The following CLMN variants were observed in gnomAD, a reference collection of about 807,000 sequenced individuals.
CLMN encodes calmin (calponin-like, transmembrane).
A neutral mutation model predicts 92.7 loss-of-function variants in CLMN; 57 were observed. The ratio of observed to expected loss-of-function variants is 0.61; its 90% CI spans 0.50 to 0.77. CLMN has a LOEUF of 0.77. Among genes scored for constraint, CLMN ranks in the 30% least tolerant of loss-of-function variants. CLMN has a pLI of 0.00. For synonymous variants in CLMN, 466 were observed against 470.6 expected, an observed-to-expected ratio of 0.99 and a Z score of 0.13; for missense variants, 1,158 against 1,237.5, an observed-to-expected ratio of 0.94 and a Z score of 0.96.
At chr14:95,248,455 A>T (rs1487560132) in intron 1 of CLMN, among the ~76,000 whole-genome samples, 2 of 152,314 alleles carry the variant, frequency 1.3e-5, no homozygotes, top group South Asian at 4.1e-4. Flanking sequence ...GCGAGGTTTG[A>T]ACCCCAGGCC....
In CLMN at chr14:95,191,697, C is replaced by T; in HGVS notation, c.2876G>A (p.Gly959Glu). The change falls in exon 13 of 13, where the codon GGG becomes GAG. Residue 959 changes from glycine to glutamate, a missense_variant. By Grantham distance (98) the Gly-to-Glu change is moderately conservative (BLOSUM62 -2). Transcript: ENST00000298912. The surrounding 1 kb of genome is among the most constrained non-coding windows in gnomAD (Gnocchi z 5.3). ...GGAGTCACTCTGCGGGCTGTGGCTCCCCAGTGACATGGCTTCTCCTGAGCT... is the reference window on the plus strand; with the variant it reads ...GGAGTCACTCTGCGGGCTGTGGCTCTCCAGTGACATGGCTTCTCCTGAGCT... Reference protein sequence around the residue: ...ANSSGEAMSLGSHSPQSDSLT... With the variant: ...ANSSGEAMSLESHSPQSDSLT... 1.2e-6 allele frequency: 2 copies of T among 1,612,312 alleles called. No homozygotes were observed. Among genetic ancestry groups the T allele is most frequent in the Admixed American group, 3.3e-5 (2 of 59,912 alleles).
intron 1 of CLMN, among the ~76,000 whole-genome samples, chr14:95,278,188 G>C (rs1296408314): frequency 6.6e-6 from 1 of 152,124 alleles, no homozygotes; most frequent in Admixed American, 6.5e-5. Context: ...AAGGAATATT[G>C]GTTTCACCTG....
At chr14:95,289,046 C>G (rs148416725) in intron 1 of CLMN, among the ~76,000 whole-genome samples, 1 of 152,328 alleles carries the variant, frequency 6.6e-6, no homozygotes, top group Non-Finnish European at 1.5e-5. Context: ...AGGTAGGTAT[C>G]ACTGGGAGGG....
chr14:95,212,365 T>C (rs1897223326), intron 6 of CLMN, among the ~76,000 whole-genome samples: 1 of 152,214 alleles, frequency 6.6e-6, no homozygotes, highest in Non-Finnish European at 1.5e-5. Flanking sequence ...TTGGTTTGGT[T>C]TCCACCACAC....
rs537078088 is a variant in CLMN, at chr14:95,257,993, T to C, written c.83-27860A>G. Among the ~76,000 whole-genome samples the C allele has an allele frequency of 2.7e-4, 41 of 151,896 alleles. No individual in the cohort carries two copies. In the East Asian group the frequency reaches 6.2e-3, roughly 23 times the overall value. On this transcript the variant is annotated intron_variant, in intron 1 of 12. Transcript: ENST00000298912. ...AGAGTCAGCTATGGTGTGTGTGAAG[T>C]GTGTGGTGTGTGTACATGTGGGGGC...
chr14:95,236,080 TC>T (rs1460098088), intron 1 of CLMN, among the ~76,000 whole-genome samples: 2 of 152,194 alleles, frequency 1.3e-5, no homozygotes, highest in Non-Finnish European at 2.9e-5. Context: ...AGCCGCCACT[TC>T]CCATGCAATA....
At chr14:95,202,505 A>G (rs1896912369) in intron 9 of CLMN, among the ~76,000 whole-genome samples, 1 of 152,144 alleles carries the variant, frequency 6.6e-6, no homozygotes, top group Admixed American at 6.5e-5. Flanking sequence ...CCCTGTGACA[A>G]TGACTGCTTT....
Position 95,221,750 on chromosome 14 carries a change from G to A in CLMN, c.265C>T (p.His89Tyr). The A allele has an allele frequency of 6.2e-7, 1 of 1,614,180 alleles. No individual in the cohort carries two copies. Among genetic ancestry groups the A allele is most frequent in the Non-Finnish European group, 8.5e-7 (1 of 1,180,040 alleles). Residue 89 changes from histidine to tyrosine, a missense_variant, in exon 4 of 13, where the codon CAT becomes TAT. Transcript: ENST00000298912. ...NLLHEYKSSS[H>Y]RIFRLNNIAK... ...ATGTTGTTCAACCGAAAAATACGAT[G>A]CGACGAGGATTTGTATTCGTGCAGC...
In CLMN at chr14:95,293,680, A is replaced by ACC. The variant is rs1900692327; in HGVS notation, c.82+26029_82+26030dup. 7.8e-5 allele frequency among the ~76,000 whole-genome samples: 7 copies of ACC among 90,144 alleles called. No individual in the cohort carries two copies. In the South Asian group the frequency reaches 2.0e-3, roughly 25 times the overall value. 59.1% of individuals were successfully genotyped at this position (90,144 alleles called of 152,430 possible). ...GGGTGTACTGCGCCCCCTGTCTCCC[A>ACC]CCCACCCCCGCCCCGCAGCCCTCTC... On this transcript the variant is annotated intron_variant, in intron 1 of 12. Coordinates refer to ENST00000298912, the MANE Select transcript of CLMN (RefSeq NM_024734.4).
chr14:95,281,271 A>G (rs942516029), intron 1 of CLMN, among the ~76,000 whole-genome samples: 2 of 152,242 alleles, frequency 1.3e-5, no homozygotes, highest in African/African-American at 2.4e-5. Context: ...GTCACCGCTT[A>G]TGGTTCCAGC....
chr14:95,248,238 A>T (rs1018889448), intron 1 of CLMN, among the ~76,000 whole-genome samples: 6 of 152,222 alleles, frequency 3.9e-5, no homozygotes, highest in Non-Finnish European at 7.3e-5. Flanking sequence ...AAATCATTGT[A>T]TTCTGAAAGT....
chr14:95,314,479 C>G (rs1901677935), intron 1 of CLMN, among the ~76,000 whole-genome samples: 1 of 152,070 alleles, frequency 6.6e-6, no homozygotes, highest in Non-Finnish European at 1.5e-5. Context: ...CCTGCCCAGG[C>G]CCACCACTCC....
intron 4 of CLMN, among the ~76,000 whole-genome samples, chr14:95,220,976 T>C (rs1211278562): frequency 6.6e-6 from 1 of 152,222 alleles, no homozygotes; most frequent in East Asian, 1.9e-4. Context: ...ACTCGGCATA[T>C]TTCAACAAAT....
chr14:95,243,287 A>G (rs190102426), intron 1 of CLMN, among the ~76,000 whole-genome samples: 7 of 148,544 alleles, frequency 4.7e-5, no homozygotes, highest in Admixed American at 4.6e-4. Context: ...CTTTACTGTT[A>G]TGAGAAAATC....
intron 1 of CLMN, among the ~76,000 whole-genome samples, chr14:95,302,068 GCAGGTGGAT>G (rs1221582485): frequency 5.3e-5 from 8 of 152,178 alleles, no homozygotes; most frequent in Non-Finnish European, 8.8e-5. Context: ...AAGAAAGGAA[GCAGGTGGAT>G]CACTTGAGTT....
chr14:95,300,574 G>A (rs1901006534), intron 1 of CLMN, among the ~76,000 whole-genome samples: 1 of 152,234 alleles, frequency 6.6e-6, no homozygotes, highest in South Asian at 2.1e-4. Context: ...GCATGTCCAT[G>A]AGCCACGCTG....
chr14:95,290,237 CTT>C (rs2140756909), intron 1 of CLMN, among the ~76,000 whole-genome samples: 1 of 152,350 alleles, frequency 6.6e-6, no homozygotes, highest in South Asian at 2.1e-4. Flanking sequence ...GCCCACTCTT[CTT>C]TCTTGGGTGG....
intron 1 of CLMN, among the ~76,000 whole-genome samples, chr14:95,257,717 A>T (rs1484559440): frequency 1.3e-5 from 2 of 152,180 alleles, no homozygotes; most frequent in Non-Finnish European, 2.9e-5. Flanking sequence ...TTCTAGTAAG[A>T]CTTCCAAGTC....
chr14:95,277,414 T>TAAGA (rs1899975183), intron 1 of CLMN, among the ~76,000 whole-genome samples: 1 of 152,232 alleles, frequency 6.6e-6, no homozygotes, highest in Admixed American at 6.5e-5. Context: ...CTTGACTTTC[T>TAAGA]AACCACGTGG....
Sources: gnomAD v4.1 joint callset for allele counts (sites outside exome capture counted in the v4.1 genomes callset) on GRCh38, gnomAD v4.1.1 for gene constraint, Gnocchi (gnomAD v3.1) non-coding constraint, MANE v1.5 for transcripts, NCBI Gene and HGNC (gene_info 2026-07-23, HGNC 2026-07-21) for gene names.